CPLANE1: variants seen among roughly 807,000 people sequenced by gnomAD.
The protein encoded by CPLANE1 is ciliogenesis and planar polarity effector complex subunit 1.
CPLANE1 carries 263 observed loss-of-function variants against 362.5 expected under a neutral mutation model. The ratio of observed to expected loss-of-function variants is 0.73; its 90% CI spans 0.66 to 0.80. The LOEUF is 0.80. CPLANE1 is among the 30% of genes least tolerant of loss of function. The pLI, the probability that CPLANE1 is intolerant of heterozygous loss-of-function variation, is 0.00. For missense variants in CPLANE1, 3,461 were observed against 3,793.4 expected, an observed-to-expected ratio of 0.91 and a Z score of 2.30; for synonymous variants, 1,212 against 1,302.6, an observed-to-expected ratio of 0.93 and a Z score of 1.50.
In CPLANE1 at chr5:37,182,816, A is replaced by G; in HGVS notation, c.5365T>C (p.Trp1789Arg). The G allele has an allele frequency of 6.2e-7, 1 of 1,613,816 alleles. No individual in the cohort carries two copies. The highest frequency in any genetic ancestry group is 8.5e-7 in the Non-Finnish European group (1 of 1,179,912). Residue 1789 changes from tryptophan (W) to arginine (R), a missense_variant, in exon 26 of 53, where the codon TGG becomes CGG. Coordinates refer to ENST00000651892, the MANE Select transcript of CPLANE1 (RefSeq NM_001384732.1). ...TSTAAILTSL[W>R]LLEQPYFATY... ...GCAAAATAGGGTTGTTCCAAAAGCC[A>G]TAATGATGTAAGAATGGCAGCTGTA...
At chr5:37,081,916 G>A in the CPLANE1 span, among the ~76,000 whole-genome samples, 1 of 152,000 alleles carries the variant, frequency 6.6e-6, no homozygotes, top group African/African-American at 2.4e-5. Context: ...TGAGGCAGGT[G>A]GATCACCTGA....
At chr5:37,076,599 AC>A in the CPLANE1 span, among the ~76,000 whole-genome samples, 1 of 152,088 alleles carries the variant, frequency 6.6e-6, no homozygotes, top group African/African-American at 2.4e-5. Flanking sequence ...GGCATGAGCC[AC>A]CACACCTGGC....
chr5:37,086,259 G>A, the CPLANE1 span, among the ~76,000 whole-genome samples: 1 of 152,160 alleles, frequency 6.6e-6, no homozygotes, highest in East Asian at 1.9e-4. Flanking sequence ...CTATTCAACA[G>A]TGCATGGAAC....
intron 38 of CPLANE1, among the ~76,000 whole-genome samples, chr5:37,159,483 C>T (rs1190123609): frequency 6.6e-6 from 1 of 152,286 alleles, no homozygotes; most frequent in South Asian, 2.1e-4. Flanking sequence ...TTAAATTTTA[C>T]CACTTAAGGT....
intron 43 of CPLANE1, among the ~76,000 whole-genome samples, chr5:37,142,852 G>C (rs1770205266): frequency 6.6e-6 from 1 of 152,172 alleles, no homozygotes; most frequent in African/African-American, 2.4e-5. Flanking sequence ...AATGATGCTG[G>C]GATAGTCTAC....
chr5:37,138,613 A>T, intron 46 of CPLANE1, 107 bp downstream of exon 46: 1 of 1,232,112 alleles, frequency 8.1e-7, no homozygotes, highest in Admixed American at 2.1e-5. Context: ...ATCTATTCTA[A>T]GCTTCAGATT....
chr5:37,216,635 C>T (rs1180440236), intron 15 of CPLANE1, among the ~76,000 whole-genome samples: 1 of 152,234 alleles, frequency 6.6e-6, no homozygotes, highest in Non-Finnish European at 1.5e-5. Context: ...TCTGGCATAA[C>T]TCCAAAGTGC....
intron 17 of CPLANE1, 95 bp downstream of exon 17, chr5:37,206,102 A>AAATTTACACATTTATGT: frequency 1.2e-6 from 1 of 857,848 alleles, no homozygotes; most frequent in Non-Finnish European, 1.9e-6. Context: ...TGCTGAACTA[A>AAATTTACACATTTATGT]GGATTCCACA....
intron 6 of CPLANE1, among the ~76,000 whole-genome samples, chr5:37,242,294 C>T (rs954666581): frequency 1.3e-5 from 2 of 151,606 alleles, no homozygotes; most frequent in Non-Finnish European, 1.5e-5. Context: ...GCGGAGGTTA[C>T]AGTGAGCCAA....
At chr5:37,120,454 C>A in intron 49 of CPLANE1, 114 bp from the exon 50 acceptor site, 1 of 821,854 alleles carries the variant, frequency 1.2e-6, no homozygotes, top group Admixed American at 3.9e-5. Context: ...CCTATAGCCC[C>A]AGCTACTGGC....
chr5:37,107,675 C>A lies in CPLANE1; in HGVS notation c.9683G>T (p.Trp3228Leu). 1 of 1,611,568 alleles carries A rather than the reference C, an allele frequency of 6.2e-7. No homozygotes were observed. Among genetic ancestry groups the A allele is most frequent in the Non-Finnish European group, 8.5e-7 (1 of 1,179,052 alleles). Residue 3228 changes from tryptophan (W) to leucine (L), a missense_variant, in exon 53 of 53, where the codon TGG becomes TTG. Transcript: ENST00000651892. ...GGCCACCATGTCTTCGATGGCATTC[C>A]AGTCCAGCTTGCTGAGGATGCTGCC... ...STGSILSKLDWNAIEDMVASV... is the reference protein window; with the variant it reads ...STGSILSKLDLNAIEDMVASV...
Position 37,121,753 on chromosome 5 carries a change from T to A in CPLANE1, c.9049A>T (p.Ile3017Phe), listed in dbSNP as rs1219035432. 6.2e-7 allele frequency: 1 copy of A among 1,614,088 alleles called. No individual in the cohort carries two copies. Among genetic ancestry groups the A allele is most frequent in the Admixed American group, 1.7e-5 (1 of 60,010 alleles). Residue 3017 changes from isoleucine to phenylalanine, a missense_variant, in exon 49 of 53, where the codon ATC becomes TTC. Physicochemically the swap from Ile to Phe is conservative, Grantham distance 21. Transcript: ENST00000651892. ...LLLSEHYSRRISQAYGLMNEL... is the reference protein window; with the variant it reads ...LLLSEHYSRRFSQAYGLMNEL... ...TTCATCAGACCGTACGCTTGTGAGA[T>A]TCGACGACTATAGTGTTCAGAGAGC...
In CPLANE1 at chr5:37,193,524, G is replaced by A. The variant is rs536220114; in HGVS notation, c.3811+2334C>T. On this transcript the variant is annotated intron_variant, in intron 21 of 52. Coordinates refer to ENST00000651892, the MANE Select transcript of CPLANE1 (RefSeq NM_001384732.1). ...ACAAAAATTAGCTGGGCGCAGCAGC[G>A]GGTGCCTATAGTCCCAGCTACTGGG... Among the ~76,000 whole-genome samples the A allele has an allele frequency of 6.6e-5, 10 of 152,066 alleles. No homozygotes were observed. In the East Asian group the frequency reaches 9.7e-4, roughly 15 times the overall value.
chr5:37,085,641 T>A, the CPLANE1 span: 1 of 1,006,360 alleles, frequency 9.9e-7, no homozygotes, highest in Non-Finnish European at 1.6e-6. Flanking sequence ...ATAACTGGTG[T>A]GATCACCAAC....
intron 50 of CPLANE1, among the ~76,000 whole-genome samples, chr5:37,116,516 G>T (rs1031608898): frequency 1.5e-4 from 18 of 117,338 alleles, no homozygotes; most frequent in African/African-American, 5.0e-4. Flanking sequence ...AAAAAAAAAA[G>T]GCTGAAGTGG....
At chr5:37,104,323 C>T (rs1358138852), downstream of CPLANE1, among the ~76,000 whole-genome samples, 4 of 152,126 alleles carry the variant, frequency 2.6e-5, no homozygotes, top group Admixed American at 6.5e-5. Flanking sequence ...CCAGGATAGG[C>T]GTGGTGGCTC....
chr5:37,167,020 T>A, intron 35 of CPLANE1, 27 bp downstream of exon 35: 1 of 1,553,424 alleles, frequency 6.4e-7, no homozygotes, highest in Middle Eastern at 1.7e-4. Context: ...TATGATATTA[T>A]CAAATAAAAT....
chr5:37,240,923 G>A (rs1191215718), intron 6 of CPLANE1, among the ~76,000 whole-genome samples: 2 of 152,098 alleles, frequency 1.3e-5, no homozygotes, highest in East Asian at 3.9e-4. Flanking sequence ...TAAAAAGTAG[G>A]TCAGGAGTTC....
At chr5:37,233,362 C>G (rs1798184993) in intron 8 of CPLANE1, among the ~76,000 whole-genome samples, 1 of 152,044 alleles carries the variant, frequency 6.6e-6, no homozygotes, top group Non-Finnish European at 1.5e-5. Flanking sequence ...AGCTTCTTGC[C>G]TACACTGCTT....
Sources: gnomAD v4.1 joint callset for allele counts (sites outside exome capture counted in the v4.1 genomes callset) on GRCh38, gnomAD v4.1.1 for gene constraint, MANE v1.5 for transcripts, NCBI Gene and HGNC (gene_info 2026-07-23, HGNC 2026-07-21) for gene names.